The following UBAC2 variants were observed in gnomAD, a reference collection of about 807,000 sequenced individuals.
UBAC2 encodes the protein ubiquitin-associated domain-containing protein 2.
A neutral mutation model predicts 44.0 loss-of-function variants in UBAC2; 26 were observed. That is an observed-to-expected ratio of 0.59 (90% CI 0.43 to 0.82). The LOEUF (loss-of-function observed/expected upper bound fraction) is 0.82. Among genes scored for constraint, UBAC2 ranks in the 40% least tolerant of loss-of-function variants. The pLI is 0.00. For synonymous variants in UBAC2, 155 were observed against 154.3 expected (o/e 1.00, Z -0.04); for missense variants, 329 against 419.4 (o/e 0.78, Z 1.88).
chr13:99,217,007 T>C (rs1294591875), intron 1 of UBAC2, among the ~76,000 whole-genome samples: 1 of 152,028 alleles, frequency 6.6e-6, no homozygotes, highest in Non-Finnish European at 1.5e-5. Flanking sequence ...ATTTTTGTAT[T>C]TTTAGTAGAA....
At chr13:99,254,499 A>G (rs2043504673) in intron 4 of UBAC2, among the ~76,000 whole-genome samples, 1 of 152,180 alleles carries the variant, frequency 6.6e-6, no homozygotes, top group Admixed American at 6.5e-5. Flanking sequence ...GACATAAAGT[A>G]TTGGATTTAT....
intron 6 of UBAC2, among the ~76,000 whole-genome samples, chr13:99,333,163 A>G (rs764730599): frequency 2.0e-5 from 3 of 152,276 alleles, no homozygotes; most frequent in Non-Finnish European, 2.9e-5. Flanking sequence ...GTAACATAGT[A>G]TTATAATAAC....
chr13:99,326,038 C>A (rs537634038), intron 6 of UBAC2, among the ~76,000 whole-genome samples: 1 of 152,258 alleles, frequency 6.6e-6, no homozygotes, highest in East Asian at 1.9e-4. Flanking sequence ...TGATTCATTT[C>A]TTTTGGATGT....
At chr13:99,324,818 G>A (rs1331325048) in intron 6 of UBAC2, among the ~76,000 whole-genome samples, 1 of 152,142 alleles carries the variant, frequency 6.6e-6, no homozygotes, top group Non-Finnish European at 1.5e-5. Flanking sequence ...TGTTGGCACT[G>A]CAGATCAAGT....
chr13:99,204,088 C>T (rs2142633726), intron 1 of UBAC2, among the ~76,000 whole-genome samples: 1 of 152,298 alleles, frequency 6.6e-6, no homozygotes, highest in South Asian at 2.1e-4. Flanking sequence ...TAATAAGCTC[C>T]TATTTACCTC....
At chr13:99,232,624 AG>A (rs1184502076) in intron 1 of UBAC2, among the ~76,000 whole-genome samples, 1 of 152,106 alleles carries the variant, frequency 6.6e-6, no homozygotes. Context: ...CAAAGTCCTT[AG>A]GAAAAAGCAC....
intron 4 of UBAC2, among the ~76,000 whole-genome samples, chr13:99,265,904 A>G (rs1006524671): frequency 6.6e-6 from 1 of 152,226 alleles, no homozygotes; most frequent in African/African-American, 2.4e-5. Flanking sequence ...AAGGTTTCGT[A>G]TCAGAGAAGT....
chr13:99,205,599 T>G (rs1332801027), intron 1 of UBAC2: 1 of 153,428 alleles, frequency 6.5e-6, no homozygotes, highest in African/African-American at 2.4e-5. Flanking sequence ...CCCAGGACAT[T>G]TTAATGGACA....
intron 2 of UBAC2, among the ~76,000 whole-genome samples, chr13:99,241,739 T>TC (rs200339558): frequency 3.3e-5 from 5 of 150,682 alleles, no homozygotes; most frequent in African/African-American, 7.3e-5. Flanking sequence ...TTTTTTTTTT[T>TC]CAACTTTTTT....
chr13:99,337,567 C>T (rs1279653700), intron 6 of UBAC2, among the ~76,000 whole-genome samples: 1 of 152,178 alleles, frequency 6.6e-6, no homozygotes, highest in Admixed American at 6.5e-5. Flanking sequence ...GCCCTTTCAT[C>T]CTAAGGATTT....
At chr13:99,245,067 C>T (rs1594041287) in intron 4 of UBAC2, among the ~76,000 whole-genome samples, 1 of 152,118 alleles carries the variant, frequency 6.6e-6, no homozygotes, top group South Asian at 2.1e-4. Context: ...CTCCTGACCT[C>T]AGGTGATCCA....
chr13:99,354,140 C>G (rs532739955), intron 7 of UBAC2, among the ~76,000 whole-genome samples: 2 of 152,244 alleles, frequency 1.3e-5, no homozygotes, highest in African/African-American at 4.8e-5. Context: ...TGCTCCCTCA[C>G]GTGGACACTG....
At position 99,237,264 on chromosome 13, in the gene UBAC2, A is replaced by G. The variant is rs568601296; in HGVS notation, c.32-1163A>G. On this transcript the variant is annotated intron_variant, in intron 1 of 8. Transcript: ENST00000403766. ...AAGAAAATTTTATGCGTATATATAT[A>G]TATATATACACACACACACACACAC... is the stretch of plus-strand genomic sequence containing the variant. Among the ~76,000 whole-genome samples the G allele has an allele frequency of 4.8e-3, 500 of 104,894 alleles. 5 individuals carry two copies. The highest frequency in any genetic ancestry group is 0.015 in the African/African-American group (479 of 31,216). The allele number at this position is 104,894 out of a possible 152,430, so 68.8% of individuals were successfully genotyped here.
intron 1 of UBAC2, among the ~76,000 whole-genome samples, chr13:99,236,231 G>T (rs1159378006): frequency 5.9e-5 from 9 of 152,164 alleles, no homozygotes; most frequent in Non-Finnish European, 1.0e-4. Flanking sequence ...AAAAGCTCCA[G>T]TTGCACAGCA....
Position 99,385,129 on chromosome 13 carries a change from T to C in UBAC2, c.928-99T>C, listed in dbSNP as rs556610656. ...GAAAATTGGTTTTTTTGTAAACAGT[T>C]TTGACCTTTGCCACAAGGCTCACAT... On this transcript the variant is annotated intron_variant, in intron 8 of 8. Transcript: ENST00000403766. The C allele has an allele frequency of 1.3e-5, 12 of 891,670 alleles. No individual in the cohort carries two copies. The African/African-American group carries it at 1.8e-4, about 14-fold the overall frequency. 55.2% of individuals were successfully genotyped at this position (891,670 alleles called of 1,614,324 possible).
At chr13:99,279,748 C>T (rs1052644268) in intron 4 of UBAC2, among the ~76,000 whole-genome samples, 1 of 152,180 alleles carries the variant, frequency 6.6e-6, no homozygotes, top group Non-Finnish European at 1.5e-5. Context: ...GCTGTCTTTT[C>T]GTGGTGTCCT....
intron 2 of UBAC2, among the ~76,000 whole-genome samples, chr13:99,242,518 C>T (rs2043319880): frequency 6.9e-6 from 1 of 145,550 alleles, no homozygotes; most frequent in African/African-American, 2.5e-5. Context: ...GCCCCCCCCA[C>T]CTCCCTCCCG....
In UBAC2 at chr13:99,351,074, C is replaced by A. The variant is rs58126781; in HGVS notation, c.807+10509C>A. On this transcript the variant is annotated intron_variant, in intron 7 of 8. Transcript: ENST00000403766. ...ATATAATGAAAAGAACAAGAATGGG[C>A]AGTTAGGGACTCAATCCTGGGTTGA... Among the ~76,000 whole-genome samples the A allele has an allele frequency of 1.0e-2, 1,516 of 152,252 alleles. 28 individuals are homozygous for A. The highest frequency in any genetic ancestry group is 0.035 in the African/African-American group (1,470 of 41,532).
intron 4 of UBAC2, among the ~76,000 whole-genome samples, chr13:99,273,870 T>C (rs2043848862): frequency 6.6e-6 from 1 of 151,908 alleles, no homozygotes; most frequent in Non-Finnish European, 1.5e-5. Flanking sequence ...CATCTTTTTT[T>C]TTTTTTTTCC....
Sources: gnomAD v4.1 joint callset for allele counts (sites outside exome capture counted in the v4.1 genomes callset) on GRCh38, gnomAD v4.1.1 for gene constraint, MANE v1.5 for transcripts, NCBI Gene and HGNC (gene_info 2026-07-23, HGNC 2026-07-21) for gene names.